The following PGCKA1 variants were observed in gnomAD, a reference collection of about 807,000 sequenced individuals.
PGCKA1 encodes PDCD10 and GCKIII kinases-associated protein 1.
chr4:37,486,794 C>G, the PGCKA1 span, among the ~76,000 whole-genome samples: 4 of 152,286 alleles, frequency 2.6e-5, no homozygotes, highest in East Asian at 7.7e-4. Context: ...TACACATGCA[C>G]ACACATGCAC....
the PGCKA1 span, among the ~76,000 whole-genome samples, chr4:37,579,774 T>C: frequency 2.0e-5 from 3 of 152,190 alleles, no homozygotes; most frequent in Non-Finnish European, 2.9e-5. Context: ...TTAAATCTGC[T>C]TGGTGTTCTG....
At chr4:37,460,058 C>T in the PGCKA1 span, among the ~76,000 whole-genome samples, 1 of 152,112 alleles carries the variant, frequency 6.6e-6, no homozygotes, top group Non-Finnish European at 1.5e-5. Context: ...CATTGTTCAA[C>T]TCCCACTTAT....
At chr4:37,478,324 G>A in the PGCKA1 span, among the ~76,000 whole-genome samples, 22 of 152,174 alleles carry the variant, frequency 1.4e-4, no homozygotes, top group African/African-American at 5.3e-4. Context: ...GGCTGATAAG[G>A]GAAATGGTGC....
At chr4:37,462,962 C>CAAAAAAA in the PGCKA1 span, among the ~76,000 whole-genome samples, 4 of 60,310 alleles carry the variant, frequency 6.6e-5, no homozygotes, top group Non-Finnish European at 1.3e-4. Flanking sequence ...GACTCAGTAT[C>CAAAAAAA]AAAAAAAAAA....
At chr4:37,502,490 G>A in the PGCKA1 span, among the ~76,000 whole-genome samples, 3 of 152,186 alleles carry the variant, frequency 2.0e-5, no homozygotes, top group Non-Finnish European at 4.4e-5. Flanking sequence ...CACTCTGGTG[G>A]TAGTGTTGAT....
chr4:37,506,261 T>C, the PGCKA1 span, among the ~76,000 whole-genome samples: 1 of 152,192 alleles, frequency 6.6e-6, no homozygotes, highest in African/African-American at 2.4e-5. Context: ...TTTGTATTTT[T>C]TTCACTTCAA....
chr4:37,473,072 A>G, the PGCKA1 span, among the ~76,000 whole-genome samples: 1 of 152,200 alleles, frequency 6.6e-6, no homozygotes, highest in Non-Finnish European at 1.5e-5. Context: ...TTCGTAAAGT[A>G]TAGAGTGTCC....
At chr4:37,568,000 C>CA in the PGCKA1 span, among the ~76,000 whole-genome samples, 555 of 151,894 alleles carry the variant, frequency 3.7e-3, 1 homozygote, top group Non-Finnish European at 5.7e-3. Flanking sequence ...GTAATAACAA[C>CA]AAAAAAAACC....
At chr4:37,571,085 CA>C in the PGCKA1 span, among the ~76,000 whole-genome samples, 2 of 152,202 alleles carry the variant, frequency 1.3e-5, no homozygotes, top group East Asian at 3.8e-4. Context: ...GTGCCCCATA[CA>C]AGCTAGATGC....
the PGCKA1 span, among the ~76,000 whole-genome samples, chr4:37,463,165 A>T: frequency 1.3e-5 from 2 of 151,848 alleles, no homozygotes; most frequent in Non-Finnish European, 2.9e-5. Context: ...GTGCTTTTTC[A>T]CTCAACCACT....
the PGCKA1 span, chr4:37,590,511 A>C: frequency 6.2e-7 from 1 of 1,614,162 alleles, no homozygotes; most frequent in Admixed American, 1.7e-5. Context: ...TGCTGGCCTC[A>C]GAAGGGACCC....
At chr4:37,549,480 C>T in the PGCKA1 span, among the ~76,000 whole-genome samples, 3 of 152,206 alleles carry the variant, frequency 2.0e-5, no homozygotes, top group East Asian at 1.9e-4. Context: ...CAGCAACGGC[C>T]CTGTTAGCAC....
the PGCKA1 span, among the ~76,000 whole-genome samples, chr4:37,515,796 T>C: frequency 6.6e-6 from 1 of 152,236 alleles, no homozygotes. Flanking sequence ...ATCAGAAAGA[T>C]TAAAGTAAAA....
At chr4:37,553,766 A>G in the PGCKA1 span, among the ~76,000 whole-genome samples, 6 of 152,218 alleles carry the variant, frequency 3.9e-5, no homozygotes, top group African/African-American at 1.4e-4. Flanking sequence ...ATTGCCAATG[A>G]TATTTTTAAG....
the PGCKA1 span, among the ~76,000 whole-genome samples, chr4:37,516,764 G>T: frequency 6.6e-6 from 1 of 152,140 alleles, no homozygotes; most frequent in Non-Finnish European, 1.5e-5. Context: ...GCAAATATGT[G>T]TTGATATACT....
the PGCKA1 span, among the ~76,000 whole-genome samples, chr4:37,519,174 T>C: frequency 5.9e-5 from 9 of 152,324 alleles, no homozygotes; most frequent in Admixed American, 4.6e-4. Context: ...TATGGCTCTG[T>C]AGTATAACTT....
chr4:37,482,345 C>A, the PGCKA1 span, among the ~76,000 whole-genome samples: 1 of 152,008 alleles, frequency 6.6e-6, no homozygotes, highest in Non-Finnish European at 1.5e-5. Context: ...AAAGTCCAGG[C>A]CGAGGTGGTT....
At chr4:37,580,376 G>T in the PGCKA1 span, among the ~76,000 whole-genome samples, 1 of 147,636 alleles carries the variant, frequency 6.8e-6, no homozygotes, top group Non-Finnish European at 1.5e-5. Flanking sequence ...GAACAATTAG[G>T]TATTCCTCAT....
At chr4:37,574,335 G>T in the PGCKA1 span, among the ~76,000 whole-genome samples, 1 of 152,004 alleles carries the variant, frequency 6.6e-6, no homozygotes, top group Admixed American at 6.5e-5. Context: ...GGTCCACACG[G>T]TTCTTTTTTT....
Sources: allele counts gnomAD v4.1 joint callset (sites outside exome capture counted in the v4.1 genomes callset), GRCh38; gene constraint gnomAD v4.1.1; transcripts MANE v1.5; gene names NCBI Gene and HGNC (gene_info 2026-07-23, HGNC 2026-07-21).